Variants in SLC24A4 observed in about 807,000 individuals in gnomAD.
The protein encoded by SLC24A4 is sodium/potassium/calcium exchanger 4.
A neutral mutation model predicts 79.0 loss-of-function variants in SLC24A4; 53 were observed. That is an observed-to-expected ratio of 0.67 (90% CI 0.54 to 0.84). The LOEUF is 0.84. SLC24A4 is among the 40% of genes least tolerant of loss of function. SLC24A4 has a pLI of 0.00. For synonymous variants in SLC24A4, 323 were observed against 323.8 expected (o/e 1.00, Z 0.03); for missense variants, 731 against 822.0 (o/e 0.89, Z 1.35).
Position 92,344,797 on chromosome 14 carries a change from A to C in SLC24A4, c.241+18819A>C, listed in dbSNP as rs1287315930. Among the ~76,000 whole-genome samples, 5 of 152,014 alleles carry C rather than the reference A, an allele frequency of 3.3e-5. No homozygotes were observed. In the South Asian group the frequency reaches 1.0e-3, roughly 32 times the overall value. ...GAGAGGGGCCACTTTCTTTCCAGGG[A>C]GGGAGCTTTGTTCTGTTGGGCCCTC... On this transcript the variant is annotated intron_variant, in intron 2 of 16. Coordinates refer to ENST00000532405, the MANE Select transcript of SLC24A4 (RefSeq NM_153646.4).
At chr14:92,486,548 G>A (rs1895368452) in intron 13 of SLC24A4, 118 bp from the exon 14 acceptor site, 2 of 657,888 alleles carry the variant, frequency 3.0e-6, no homozygotes, top group Non-Finnish European at 5.4e-6. Flanking sequence ...AAAAGAGGCA[G>A]CCCCAGTAAT....
Position 92,442,273 on chromosome 14 carries a change from T to C in SLC24A4, c.478+100T>C, listed in dbSNP as rs185129035. The C allele has an allele frequency of 7.6e-3, 6,820 of 899,620 alleles. 48 individuals carry two copies. Among genetic ancestry groups the C allele is most frequent in the Non-Finnish European group, 9.0e-3 (5,265 of 582,912 alleles). 55.7% of individuals were successfully genotyped at this position (899,620 alleles called of 1,614,324 possible). A position where few individuals can be genotyped will look rare whatever the true frequency, so the allele number is the denominator to read the frequency against. On this transcript the variant is annotated intron_variant, in intron 5 of 16. Transcript: ENST00000532405. Reference sequence around the variant, plus strand: ...TCAGCTCTGAGCCTCAGTTTTCTCATCTGTAAAATGGGAGAATTGGAGAGG... The same window carrying C: ...TCAGCTCTGAGCCTCAGTTTTCTCACCTGTAAAATGGGAGAATTGGAGAGG...
intron 10 of SLC24A4, chr14:92,452,154 C>T (rs1002224496): frequency 1.3e-5 from 2 of 152,260 alleles, no homozygotes; most frequent in African/African-American, 4.8e-5. Context: ...GGGTGCAGGC[C>T]TGTACTCCTG....
At chr14:92,448,634 A>C (rs1041991076) in intron 9 of SLC24A4, among the ~76,000 whole-genome samples, 1 of 152,126 alleles carries the variant, frequency 6.6e-6, no homozygotes, top group Non-Finnish European at 1.5e-5. Flanking sequence ...CTCTTCCCTC[A>C]GGGGTGATGG....
chr14:92,388,414 T>C (rs539968471), intron 2 of SLC24A4, among the ~76,000 whole-genome samples: 11 of 152,316 alleles, frequency 7.2e-5, no homozygotes, highest in African/African-American at 2.6e-4. Flanking sequence ...CGGTGCTCAG[T>C]CTGGGTTCCT....
intron 10 of SLC24A4, among the ~76,000 whole-genome samples, chr14:92,449,794 C>T (rs1407218451): frequency 6.6e-6 from 1 of 152,240 alleles, no homozygotes; most frequent in Non-Finnish European, 1.5e-5. Context: ...GGAGCCCCTT[C>T]CCCTGGGGCA....
chr14:92,392,750 T>C (rs767194262), intron 2 of SLC24A4, among the ~76,000 whole-genome samples: 2 of 152,176 alleles, frequency 1.3e-5, no homozygotes, highest in African/African-American at 4.8e-5. Context: ...AGTGCTCTTA[T>C]AAAAGAAGCC....
intron 14 of SLC24A4, among the ~76,000 whole-genome samples, chr14:92,489,302 G>A (rs1189034476): frequency 6.6e-6 from 1 of 152,084 alleles, no homozygotes; most frequent in African/African-American, 2.4e-5. Context: ...AGCCAGGCGT[G>A]GTGGTGCACA....
chr14:92,455,514 T>G (rs1262915832), intron 11 of SLC24A4, among the ~76,000 whole-genome samples: 1 of 152,216 alleles, frequency 6.6e-6, no homozygotes, highest in African/African-American at 2.4e-5. Context: ...AAAATATACA[T>G]TAATACTTGA....
intron 2 of SLC24A4, among the ~76,000 whole-genome samples, chr14:92,330,405 T>A (rs1182503523): frequency 1.3e-5 from 2 of 152,218 alleles, no homozygotes; most frequent in Admixed American, 1.3e-4. Flanking sequence ...TTATAATTAA[T>A]TTTTCCCTAG....
intron 3 of SLC24A4, among the ~76,000 whole-genome samples, chr14:92,437,382 T>C (rs966178233): frequency 2.6e-5 from 4 of 152,250 alleles, no homozygotes; most frequent in African/African-American, 9.6e-5. Context: ...CTCACCACTG[T>C]ATCTCTGATC....
At chr14:92,461,656 C>G (rs558119652) in intron 12 of SLC24A4, among the ~76,000 whole-genome samples, 4 of 152,300 alleles carry the variant, frequency 2.6e-5, no homozygotes, top group African/African-American at 9.6e-5. Flanking sequence ...CCTAAAAGCT[C>G]TATCTCCAAA....
chr14:92,471,338 A>G (rs1438483718), intron 12 of SLC24A4, among the ~76,000 whole-genome samples: 2 of 152,126 alleles, frequency 1.3e-5, no homozygotes, highest in East Asian at 3.8e-4. Context: ...TCCAGAAGAG[A>G]ATGACTTTCC....
At chr14:92,444,932 TACACAC>T (rs10548937) in intron 7 of SLC24A4, among the ~76,000 whole-genome samples, 55,407 of 142,644 alleles carry the variant, frequency 0.39, 10,391 homozygotes, top group Middle Eastern at 0.53. Context: ...TACACACACA[TACACAC>T]ACACACACAC....
chr14:92,443,527 A>G, intron 7 of SLC24A4, 53 bp downstream of exon 7: 9 of 1,566,156 alleles, frequency 5.7e-6, no homozygotes, highest in Non-Finnish European at 7.0e-6. Context: ...CTGCGAAGGC[A>G]CAGGACCCCT....
rs187397731 is a variant in SLC24A4, at chr14:92,459,921, G to A, written c.1255+3313G>A. ...CACCCCTTGTTCAGGTTTCACAGTG[G>A]CCTGGGGCTGCAGGATGGCTTTGAG... On this transcript the variant is annotated intron_variant, in intron 12 of 16. Transcript: ENST00000532405. 5.6e-4 allele frequency among the ~76,000 whole-genome samples: 85 copies of A among 152,236 alleles called. 1 individual carries two copies. The highest frequency in any genetic ancestry group is 3.4e-3 in the Middle Eastern group (1 of 294).
In SLC24A4 at chr14:92,441,749, C is replaced by A. The variant is rs1019491742; in HGVS notation, c.394-340C>A. On this transcript the variant is annotated intron_variant, in intron 4 of 16. Coordinates refer to ENST00000532405, the MANE Select transcript of SLC24A4 (RefSeq NM_153646.4). This position sits in a 1 kb window ranked among gnomAD's most constrained non-coding sequence, Gnocchi z 4.6. ...TGTGAAATTCACGTTTCAGTAACAG[C>A]AGATAAAACACATCGTGTATCTGAG... Among the ~76,000 whole-genome samples, 1 of 152,228 alleles carries A rather than the reference C, an allele frequency of 6.6e-6. No individual in the cohort carries two copies. The highest frequency in any genetic ancestry group is 2.4e-5 in the African/African-American group (1 of 41,462).
chr14:92,385,971 C>T (rs1013917798), intron 2 of SLC24A4, among the ~76,000 whole-genome samples: 10 of 152,022 alleles, frequency 6.6e-5, no homozygotes, highest in African/African-American at 9.7e-5. Context: ...GAAGAGTTTC[C>T]GGATGGATGG....
chr14:92,492,624 G>A (rs1244021632), intron 16 of SLC24A4, among the ~76,000 whole-genome samples: 1 of 152,120 alleles, frequency 6.6e-6, no homozygotes, highest in Non-Finnish European at 1.5e-5. Context: ...TACATGTCCA[G>A]GTCTGTGCTG....
Sources: allele counts gnomAD v4.1 joint callset (sites outside exome capture counted in the v4.1 genomes callset), GRCh38; gene constraint gnomAD v4.1.1; non-coding constraint Gnocchi (gnomAD v3.1); transcripts MANE v1.5; gene names NCBI Gene and HGNC (gene_info 2026-07-23, HGNC 2026-07-21).